WDPCP: variants seen among roughly 807,000 people sequenced by gnomAD.
WDPCP encodes the protein WD repeat containing planar cell polarity effector, also known as WD repeat-containing and planar cell polarity effector protein fritz homolog.
In WDPCP, 71 loss-of-function variants were observed where a neutral mutation model predicts 93.1. The ratio of observed to expected loss-of-function variants is 0.76; its 90% CI spans 0.63 to 0.93. The LOEUF (loss-of-function observed/expected upper bound fraction) is 0.93, where lower values mean the gene tolerates loss of function less well. Ranked by LOEUF, WDPCP falls within the 40% of genes least tolerant of loss-of-function variation. The pLI is 0.00. For missense variants in WDPCP, 844 were observed against 887.4 expected, an observed-to-expected ratio of 0.95 and a Z score of 0.62; for synonymous variants, 315 against 315.0, an observed-to-expected ratio of 1.00 and a Z score of 0.00.
chr2:63,203,680 C>A (rs765646372), intron 14 of WDPCP, among the ~76,000 whole-genome samples: 9 of 152,192 alleles, frequency 5.9e-5, no homozygotes, highest in Non-Finnish European at 1.0e-4. Context: ...AACCATCCTT[C>A]TACGCTATCT....
Position 63,126,666 on chromosome 2 carries a change from G to GTGTTTT in WDPCP, c.2191-4611_2191-4610insAAAACA, listed in dbSNP as rs1553536654. Among the ~76,000 whole-genome samples the GTGTTTT allele has an allele frequency of 9.7e-3, 952 of 98,082 alleles. 24 individuals are homozygous for GTGTTTT. Among genetic ancestry groups the GTGTTTT allele is most frequent in the African/African-American group, 0.034 (914 of 26,884 alleles). The allele number at this position is 98,082 out of a possible 152,430, so 64.3% of individuals were successfully genotyped here. On this transcript the variant is annotated intron_variant, in intron 17 of 17. Coordinates refer to ENST00000272321, the MANE Select transcript of WDPCP (RefSeq NM_015910.7). ...CACATAACTGTGCAACTTGTTTTGT[G>GTGTTTT]TTTTTTTTTTTTTTTTTTTTTTTGA...
At chr2:63,158,923 G>A (rs993142331) in intron 15 of WDPCP, among the ~76,000 whole-genome samples, 1 of 128,254 alleles carries the variant, frequency 7.8e-6, no homozygotes, top group African/African-American at 3.1e-5. Flanking sequence ...GATCATTTGA[G>A]TTCAGGAGTT....
intron 12 of WDPCP, among the ~76,000 whole-genome samples, chr2:63,355,485 T>A (rs1689952421): frequency 6.6e-6 from 1 of 152,114 alleles, no homozygotes; most frequent in African/African-American, 2.4e-5. Context: ...TGCTACCAGC[T>A]AATATAAAAA....
intron 2 of WDPCP, among the ~76,000 whole-genome samples, chr2:63,672,226 C>A (rs1575743843): frequency 6.6e-6 from 1 of 152,196 alleles, no homozygotes; most frequent in Non-Finnish European, 1.5e-5. Context: ...GCCAATCCTG[C>A]AGATTCTAAA....
intron 3 of WDPCP, among the ~76,000 whole-genome samples, chr2:63,625,411 T>C (rs1709799029): frequency 6.6e-6 from 1 of 152,202 alleles, no homozygotes; most frequent in Non-Finnish European, 1.5e-5. Context: ...GATAACATCA[T>C]TGTATATTTA....
chr2:63,625,192 G>C (rs1709797388), intron 3 of WDPCP, among the ~76,000 whole-genome samples: 1 of 152,116 alleles, frequency 6.6e-6, no homozygotes, highest in Non-Finnish European at 1.5e-5. Context: ...AATAATAAGA[G>C]CTATTTATGA....
chr2:63,756,738 G>A (rs193101690), intron 2 of WDPCP, among the ~76,000 whole-genome samples: 2 of 152,168 alleles, frequency 1.3e-5, no homozygotes, highest in East Asian at 3.9e-4. Flanking sequence ...GATTAAAAGA[G>A]GGAAAAATGT....
intron 1 of WDPCP, chr2:63,518,118 C>G (rs1219944068): frequency 2.6e-5 from 4 of 152,354 alleles, no homozygotes; most frequent in Admixed American, 6.5e-5. Flanking sequence ...GAACCCCTGA[C>G]CTCAAGTGAT....
At chr2:63,184,735 G>C (rs1252346120) in intron 14 of WDPCP, among the ~76,000 whole-genome samples, 1 of 152,096 alleles carries the variant, frequency 6.6e-6, no homozygotes, top group South Asian at 2.1e-4. Flanking sequence ...TATTCATTTG[G>C]CCTCTTGTAT....
intron 3 of WDPCP, among the ~76,000 whole-genome samples, chr2:63,596,215 GTAAGGATTAAT>G (rs1306001569): frequency 1.3e-5 from 2 of 152,024 alleles, no homozygotes; most frequent in African/African-American, 4.8e-5. Context: ...CTTTCTTTTG[GTAAGGATTAAT>G]TAATGATACT....
chr2:63,235,337 G>A (rs996949514), intron 14 of WDPCP, among the ~76,000 whole-genome samples: 5 of 152,086 alleles, frequency 3.3e-5, no homozygotes, highest in Non-Finnish European at 7.4e-5. Context: ...AACAAGTTGT[G>A]AAAATGAATC....
rs1707641600 is a variant in WDPCP at position 63,572,965 on chromosome 2, GGC to G, written c.75+15230_75+15231del. 7.2e-5 allele frequency among the ~76,000 whole-genome samples: 11 copies of G among 151,840 alleles called. No homozygotes were observed. The South Asian group carries it at 2.1e-3, about 29-fold the overall frequency. Reference sequence around the variant, plus strand: ...TTTCTGCTCTTCAAAAGTATTCATTGGCCAGGCATAGTGGCTCACACCTATAA... The same window carrying G: ...TTTCTGCTCTTCAAAAGTATTCATTGCAGGCATAGTGGCTCACACCTATAA... On this transcript the variant is annotated intron_variant, in intron 1 of 17. Coordinates refer to ENST00000272321, the MANE Select transcript of WDPCP (RefSeq NM_015910.7).
rs184980303 is a variant in WDPCP at position 63,556,831 on chromosome 2, C to T, written c.75+31366G>A. On this transcript the variant is annotated intron_variant, in intron 1 of 17. Transcript: ENST00000272321. The stretch of plus-strand genomic sequence containing the variant: ...TAACAGCAGACCTCTCAGCAGAAAC[C>T]CTACAAGCCAGAAGAGATTGGGGGC... 2.6e-5 allele frequency among the ~76,000 whole-genome samples: 4 copies of T among 152,264 alleles called. No individual in the cohort carries two copies. The South Asian group carries it at 8.3e-4, about 32-fold the overall frequency.
intron 3 of WDPCP, among the ~76,000 whole-genome samples, chr2:63,634,069 T>C (rs937971114): frequency 6.6e-6 from 1 of 151,940 alleles, no homozygotes; most frequent in African/African-American, 2.4e-5. Context: ...AAAAGGGGGA[T>C]TTAAATCCCC....
rs1681421468 is a variant in WDPCP, at chr2:63,259,400, A to ATCT, written c.1821_1822insAGA (p.His607_Tyr608insArg). On this transcript the variant is annotated inframe_insertion, in exon 14 of 18. Transcript: ENST00000272321. ...AATTCACCTTTATCTAGTGCAAGGT[A>ATCT]ATGAATATCCTGAGGAAATAAAGCA... 6.2e-7 allele frequency: 1 copy of ATCT among 1,610,688 alleles called. No homozygotes were observed. Among genetic ancestry groups the ATCT allele is most frequent in the East Asian group, 2.2e-5 (1 of 44,764 alleles).
intron 1 of WDPCP, among the ~76,000 whole-genome samples, chr2:63,575,066 T>C (rs1015557524): frequency 6.6e-6 from 1 of 151,998 alleles, no homozygotes; most frequent in Non-Finnish European, 1.5e-5. Context: ...AGGGTTAAAA[T>C]AGAAAGACAA....
chr2:63,472,452 A>G (rs920992622), intron 6 of WDPCP, among the ~76,000 whole-genome samples: 1 of 151,922 alleles, frequency 6.6e-6, no homozygotes, highest in Admixed American at 6.6e-5. Flanking sequence ...TTGGTTCATT[A>G]TCATGTCCCT....
At chr2:63,787,826 G>A (rs1670491253) in intron 2 of WDPCP, among the ~76,000 whole-genome samples, 1 of 152,038 alleles carries the variant, frequency 6.6e-6, no homozygotes, top group Admixed American at 6.6e-5. Context: ...GATCACCTGA[G>A]GTCAGGAGTT....
In WDPCP at chr2:63,486,576, A is replaced by G. The variant is rs1378354727; in HGVS notation, c.219T>C (p.His73=). The change falls in exon 4 of 18, where the codon CAT becomes CAC. Residue 73 remains histidine (H), a synonymous_variant. Coordinates refer to ENST00000272321, the MANE Select transcript of WDPCP (RefSeq NM_015910.7). ...GCTTCTGCTTCTTTTCTAAGTTACC[A>G]TGCTCTGTCGCTGATATTGTGGCAG... is the stretch of plus-strand genomic sequence containing the variant. The part of the protein sequence containing the change: ...YDKKDPPATE[H]GNLEKKQKLA... 1 of 1,576,276 alleles carries G rather than the reference A, an allele frequency of 6.3e-7. No homozygotes were observed. The highest frequency in any genetic ancestry group is 8.6e-7 in the Non-Finnish European group (1 of 1,157,732).
Sources: gnomAD v4.1 joint callset for allele counts (sites outside exome capture counted in the v4.1 genomes callset) on GRCh38, gnomAD v4.1.1 for gene constraint, MANE v1.5 for transcripts, NCBI Gene and HGNC (gene_info 2026-07-23, HGNC 2026-07-21) for gene names.